Variants in TG observed in about 807,000 individuals in gnomAD.
TG encodes the protein thyroglobulin.
A neutral mutation model predicts 324.7 loss-of-function variants in TG; 270 were observed. That is an observed-to-expected ratio of 0.83 (90% CI 0.75 to 0.92). The LOEUF (loss-of-function observed/expected upper bound fraction) is 0.92, where lower values mean the gene tolerates loss of function less well. TG is among the 40% of genes least tolerant of loss of function. TG has a pLI of 0.00. For synonymous variants in TG, 1,401 were observed against 1,327.0 expected (o/e 1.06, Z -1.21); for missense variants, 3,591 against 3,456.4 (o/e 1.04, Z -0.98).
intron 41 of TG, among the ~76,000 whole-genome samples, chr8:133,093,493 A>G (rs1371876492): frequency 5.3e-5 from 8 of 152,150 alleles, no homozygotes; most frequent in Non-Finnish European, 1.2e-4. Context: ...AATCACGTGT[A>G]TCTCCCAGCC....
chr8:132,982,165 T>TA (rs1281353396), intron 34 of TG, among the ~76,000 whole-genome samples: 6 of 152,368 alleles, frequency 3.9e-5, no homozygotes, highest in Admixed American at 1.3e-4. Flanking sequence ...GAGGCACTGT[T>TA]ACTATGCCCA....
intron 5 of TG, among the ~76,000 whole-genome samples, chr8:132,876,927 C>G (rs1813888594): frequency 6.6e-6 from 1 of 152,192 alleles, no homozygotes; most frequent in African/African-American, 2.4e-5. Flanking sequence ...ACTTCAAATG[C>G]CTTAGCCACC....
chr8:132,977,173 C>G (rs1310604806), intron 34 of TG, among the ~76,000 whole-genome samples: 2 of 152,160 alleles, frequency 1.3e-5, no homozygotes, highest in Non-Finnish European at 2.9e-5. Context: ...TCTCCCCACT[C>G]TTAGCTTTGT....
At chr8:132,972,228 A>T in intron 33 of TG, 1 of 446,920 alleles carries the variant, frequency 2.2e-6, no homozygotes, top group South Asian at 2.2e-5. Context: ...CTAGTGTGTG[A>T]TTCTGGAAAA....
chr8:132,884,702 A>G (rs773703185), intron 8 of TG, among the ~76,000 whole-genome samples: 1 of 152,240 alleles, frequency 6.6e-6, no homozygotes, highest in Non-Finnish European at 1.5e-5. Flanking sequence ...ATGAAGAACT[A>G]TGGCTTTCCA....
chr8:133,011,773 G>A, intron 35 of TG, 128 bp from the exon 36 acceptor site: 3 of 1,112,612 alleles, frequency 2.7e-6, no homozygotes, highest in Non-Finnish European at 2.7e-6. Context: ...CTATAAGGTT[G>A]CACAGGAATG....
chr8:132,988,064 G>GCACACACACACACACA (rs35161639), intron 35 of TG, among the ~76,000 whole-genome samples: 2 of 134,544 alleles, frequency 1.5e-5, no homozygotes, highest in African/African-American at 2.8e-5. Flanking sequence ...ACATACACAT[G>GCACACACACACACACA]CACACACACA....
intron 35 of TG, among the ~76,000 whole-genome samples, chr8:133,003,410 ATT>A (rs568961549): frequency 1.4e-4 from 20 of 138,818 alleles, no homozygotes; most frequent in South Asian, 2.3e-4. Context: ...TCGGATACTT[ATT>A]TTTTTTTTTT....
At chr8:132,909,581 A>G (rs954464482) in intron 18 of TG, among the ~76,000 whole-genome samples, 2 of 152,148 alleles carry the variant, frequency 1.3e-5, no homozygotes, top group Non-Finnish European at 2.9e-5. Context: ...AGAGCTTCTA[A>G]GAAGGGAGTC....
At chr8:132,898,688 C>A in intron 13 of TG, 110 bp from the exon 14 acceptor site, 1 of 844,094 alleles carries the variant, frequency 1.2e-6, no homozygotes. Flanking sequence ...CTATGAAGAG[C>A]ACCTGCATTC....
chr8:132,869,773 G>T lies in TG; in HGVS notation c.221G>T (p.Gly74Val), dbSNP rs986876941. The T allele has an allele frequency of 1.2e-6, 2 of 1,614,042 alleles. No individual in the cohort carries two copies. The highest frequency in any genetic ancestry group is 1.7e-5 in the Admixed American group (1 of 60,010). Residue 74 changes from glycine to valine, a missense_variant, in exon 3 of 48, where the codon GGT (glycine) becomes GTT (valine). Physicochemically the swap from Gly to Val is moderately radical, Grantham distance 109. Transcript: ENST00000220616. ...QNDGRSCWCV[G>V]ANGSEVLGSR... ...GACGGCCGCTCCTGCTGGTGTGTGG[G>T]TGCCAACGGCAGTGAAGTGCTGGGC...
At chr8:132,951,859 C>T (rs1826149617) in intron 27 of TG, among the ~76,000 whole-genome samples, 1 of 152,150 alleles carries the variant, frequency 6.6e-6, no homozygotes, top group African/African-American at 2.4e-5. Flanking sequence ...ATTCTAACTA[C>T]AGCGTGAAGA....
chr8:132,935,137 C>CT lies in TG; in HGVS notation c.4933-603dup, dbSNP rs34047530. On this transcript the variant is annotated intron_variant, in intron 24 of 47. Coordinates refer to ENST00000220616, the MANE Select transcript of TG (RefSeq NM_003235.5). ...CTCTCTTGTTTCCATCTGGCAAACT[C>CT]TTTTTTTTTTTTTTTTCTTTTGAGA... Among the ~76,000 whole-genome samples, 248 of 136,392 alleles carry CT rather than the reference C, an allele frequency of 1.8e-3. 1 individual carries two copies. Among genetic ancestry groups the CT allele is most frequent in the Middle Eastern group, 3.8e-3 (1 of 266 alleles). 89.5% of individuals were successfully genotyped at this position (136,392 alleles called of 152,430 possible).
At chr8:132,926,930 A>C (rs749625815) in intron 22 of TG, among the ~76,000 whole-genome samples, 14 of 151,732 alleles carry the variant, frequency 9.2e-5, no homozygotes, top group Non-Finnish European at 2.1e-4. Context: ...GCTTCCTGGC[A>C]CTCCCTTTGA....
chr8:133,117,420 G>T (rs755141909), intron 45 of TG, among the ~76,000 whole-genome samples: 1 of 152,222 alleles, frequency 6.6e-6, no homozygotes, highest in Admixed American at 6.5e-5. Flanking sequence ...TGCAAAGAGG[G>T]TATCTGGGGA....
intron 41 of TG, among the ~76,000 whole-genome samples, chr8:133,044,221 T>G (rs1165314461): frequency 1.3e-5 from 2 of 152,128 alleles, no homozygotes; most frequent in Non-Finnish European, 2.9e-5. Flanking sequence ...TTCTGTAGGG[T>G]AAAGTTCCGA....
chr8:133,071,978 C>T (rs536868043), intron 41 of TG, among the ~76,000 whole-genome samples: 10 of 152,164 alleles, frequency 6.6e-5, no homozygotes, highest in Non-Finnish European at 1.2e-4. Flanking sequence ...ATATAAACTG[C>T]CTGGCACAGT....
chr8:132,943,236 G>A (rs1824712939), intron 26 of TG, among the ~76,000 whole-genome samples: 1 of 152,068 alleles, frequency 6.6e-6, no homozygotes. Flanking sequence ...TGAATGGCTT[G>A]GTGCTATCCT....
intron 26 of TG, among the ~76,000 whole-genome samples, chr8:132,944,759 G>C (rs939750702): frequency 6.6e-6 from 1 of 152,210 alleles, no homozygotes; most frequent in African/African-American, 2.4e-5. Context: ...AGTGAATATT[G>C]CATTGAAAAC....
Sources: gnomAD v4.1 joint callset for allele counts (sites outside exome capture counted in the v4.1 genomes callset) on GRCh38, gnomAD v4.1.1 for gene constraint, MANE v1.5 for transcripts, NCBI Gene and HGNC (gene_info 2026-07-23, HGNC 2026-07-21) for gene names.